The following ABTB2 variants were observed in gnomAD, a reference collection of about 807,000 sequenced individuals.
ABTB2 encodes ankyrin repeat and BTB/POZ domain-containing protein 2.
A neutral mutation model predicts 104.1 loss-of-function variants in ABTB2; 56 were observed. That is an observed-to-expected ratio of 0.54 (90% CI 0.43 to 0.67). The LOEUF is 0.67. ABTB2 is among the 30% of genes least tolerant of loss of function. ABTB2 has a pLI of 0.00. For missense variants in ABTB2, 1,279 were observed against 1,407.7 expected, an observed-to-expected ratio of 0.91 and a Z score of 1.46; for synonymous variants, 606 against 608.2, an observed-to-expected ratio of 1.00 and a Z score of 0.05.
Position 34,172,418 on chromosome 11 carries a change from A to ATATATGTG in ABTB2, c.1397+736_1397+737insCACATATA, listed in dbSNP as rs55819950. Among the ~76,000 whole-genome samples the ATATATGTG allele has an allele frequency of 3.3e-3, 277 of 84,026 alleles. 6 individuals are homozygous for ATATATGTG. The highest frequency in any genetic ancestry group is 4.5e-3 in the African/African-American group (96 of 21,166). 55.1% of individuals were successfully genotyped at this position (84,026 alleles called of 152,430 possible). A position where few individuals can be genotyped will look rare whatever the true frequency, so the allele number is the denominator to read the frequency against. ...AAAATATATATATATATATATATATATGTGTGTGTGTGTGTGTATATAGAT... is the reference window on the plus strand; with the variant it reads ...AAAATATATATATATATATATATATATATATGTGTGTGTGTGTGTGTGTGTATATAGAT... On this transcript the variant is annotated intron_variant, in intron 4 of 16. Transcript: ENST00000435224.
chr11:34,336,241 C>T (rs1440695408), intron 1 of ABTB2, among the ~76,000 whole-genome samples: 2 of 152,168 alleles, frequency 1.3e-5, no homozygotes, highest in Non-Finnish European at 1.5e-5. Context: ...AGCCCATGCA[C>T]CTTCTGAGAA....
At chr11:34,166,183 G>C (rs901249553) in intron 7 of ABTB2, among the ~76,000 whole-genome samples, 1 of 152,254 alleles carries the variant, frequency 6.6e-6, no homozygotes, top group Non-Finnish European at 1.5e-5. Context: ...CTTCCTCCAA[G>C]CATGCATGGC....
chr11:34,249,989 C>A (rs1430059396), intron 1 of ABTB2, among the ~76,000 whole-genome samples: 1 of 152,110 alleles, frequency 6.6e-6, no homozygotes, highest in African/African-American at 2.4e-5. Flanking sequence ...TAAAAGCATC[C>A]CTGGGGATCT....
chr11:34,173,846 A>G (rs998554250), intron 3 of ABTB2, among the ~76,000 whole-genome samples: 6 of 152,154 alleles, frequency 3.9e-5, no homozygotes. Flanking sequence ...AGCACACTCG[A>G]GTCTGGTTCT....
intron 1 of ABTB2, among the ~76,000 whole-genome samples, chr11:34,215,019 C>T (rs117373902): frequency 0.03 from 4,532 of 152,276 alleles, 76 homozygotes; most frequent in Non-Finnish European, 0.037. Flanking sequence ...CTGGCCCCTT[C>T]GCCTGGCCCC....
At chr11:34,174,281 C>T (rs188325928) in intron 3 of ABTB2, among the ~76,000 whole-genome samples, 108 of 148,200 alleles carry the variant, frequency 7.3e-4, no homozygotes, top group African/African-American at 2.2e-3. Flanking sequence ...GCTGAGATCG[C>T]GCCACTGCCC....
At position 34,176,275 on chromosome 11, in the gene ABTB2, G is replaced by A. The variant is rs569422489; in HGVS notation, c.1245-2968C>T. Among the ~76,000 whole-genome samples the A allele has an allele frequency of 2.0e-4, 16 of 79,926 alleles. No individual in the cohort carries two copies. In the South Asian group the frequency reaches 7.8e-3, roughly 39 times the overall value. The allele number at this position is 79,926 out of a possible 152,430, so 52.4% of individuals were successfully genotyped here. ...AGCCAGGGTGACAGAGTGAGACTCC[G>A]TCTCAAAAAAAAAAAAAAAAAAAAA... On this transcript the variant is annotated intron_variant, in intron 3 of 16. Coordinates refer to ENST00000435224, the MANE Select transcript of ABTB2 (RefSeq NM_145804.3).
rs1332070037 is a variant in ABTB2 at position 34,356,325 on chromosome 11, T to C, written c.883+376A>G. Reference sequence around the variant, plus strand: ...CAGAATCAGTCAATCTAACCAGCTGTTGGGGAAAGACAGCAGCTAGAGACC... The same window carrying C: ...CAGAATCAGTCAATCTAACCAGCTGCTGGGGAAAGACAGCAGCTAGAGACC... On this transcript the variant is annotated intron_variant, in intron 1 of 16. Coordinates refer to ENST00000435224, the MANE Select transcript of ABTB2 (RefSeq NM_145804.3). This position sits in a 1 kb window ranked among gnomAD's most constrained non-coding sequence, Gnocchi z 4.6. 1.3e-5 allele frequency among the ~76,000 whole-genome samples: 2 copies of C among 152,144 alleles called. No homozygotes were observed. Among genetic ancestry groups the C allele is most frequent in the Non-Finnish European group, 2.9e-5 (2 of 68,032 alleles).
chr11:34,313,351 G>T lies in ABTB2; in HGVS notation c.883+43350C>A, dbSNP rs563136904. 7.2e-5 allele frequency among the ~76,000 whole-genome samples: 11 copies of T among 152,288 alleles called. No homozygotes were observed. The South Asian group carries it at 2.3e-3, about 32-fold the overall frequency. ...TCCCGAGCACCTCAGCTGTCTCCTG[G>T]GTAGGATGTGGTCTGACCACATTCT... On this transcript the variant is annotated intron_variant, in intron 1 of 16. Coordinates refer to ENST00000435224, the MANE Select transcript of ABTB2 (RefSeq NM_145804.3).
At chr11:34,253,225 G>A (rs928943490) in intron 1 of ABTB2, among the ~76,000 whole-genome samples, 3 of 152,174 alleles carry the variant, frequency 2.0e-5, no homozygotes, top group Admixed American at 6.5e-5. Flanking sequence ...GGCCTCACCT[G>A]GGCCAGAAGA....
chr11:34,339,082 A>C (rs1439906224), intron 1 of ABTB2, among the ~76,000 whole-genome samples: 2 of 152,146 alleles, frequency 1.3e-5, no homozygotes, highest in African/African-American at 4.8e-5. Context: ...ACATTTTGCT[A>C]TTTTGTTTAG....
Position 34,162,697 on chromosome 11 carries a change from C to T in ABTB2, c.2097G>A (p.Gln699=), listed in dbSNP as rs1452046521. Reference sequence around the variant, plus strand: ...GCACGGGCCCCTCGCTGCCACTGCCCTGGCTCGACGCATCACTTTCCTCCA... The same window carrying T: ...GCACGGGCCCCTCGCTGCCACTGCCTTGGCTCGACGCATCACTTTCCTCCA... ...EGVEESDASS[Q]GSGSEGPVRL... Residue 699 remains glutamine, a synonymous_variant, in exon 10 of 17, where the codon CAG becomes CAA. Transcript: ENST00000435224. 1.2e-6 allele frequency: 2 copies of T among 1,612,900 alleles called. No homozygotes were observed. Among genetic ancestry groups the T allele is most frequent in the Admixed American group, 3.3e-5 (2 of 60,024 alleles).
chr11:34,305,567 A>C (rs1431865670), intron 1 of ABTB2, among the ~76,000 whole-genome samples: 2 of 152,194 alleles, frequency 1.3e-5, no homozygotes, highest in Non-Finnish European at 2.9e-5. Flanking sequence ...GCTTGACAGG[A>C]AATGTGTGGA....
At chr11:34,168,819 G>C (rs547999732) in intron 5 of ABTB2, among the ~76,000 whole-genome samples, 1 of 152,234 alleles carries the variant, frequency 6.6e-6, no homozygotes, top group Non-Finnish European at 1.5e-5. Flanking sequence ...TGGCGGGGCC[G>C]CCTCCCTGGC....
At chr11:34,241,824 T>TC (rs937543317) in intron 1 of ABTB2, among the ~76,000 whole-genome samples, 24 of 152,184 alleles carry the variant, frequency 1.6e-4, no homozygotes, top group Admixed American at 2.6e-4. Flanking sequence ...TGTAAATGTT[T>TC]CCCCCCTTCA....
intron 16 of ABTB2, among the ~76,000 whole-genome samples, chr11:34,152,922 G>A (rs1050262061): frequency 2.6e-5 from 4 of 152,202 alleles, no homozygotes; most frequent in African/African-American, 7.2e-5. Flanking sequence ...CTGTGCACAT[G>A]GTAAATGCTG....
chr11:34,255,851 C>T (rs117864563), intron 1 of ABTB2, among the ~76,000 whole-genome samples: 2,446 of 152,206 alleles, frequency 0.016, 25 homozygotes, highest in Non-Finnish European at 0.025. Flanking sequence ...CCTCCTCTAC[C>T]GGTCTTATCC....
intron 1 of ABTB2, among the ~76,000 whole-genome samples, chr11:34,337,170 G>C (rs924198011): frequency 6.6e-6 from 1 of 152,248 alleles, no homozygotes; most frequent in East Asian, 1.9e-4. Flanking sequence ...GCTTGCACCT[G>C]GGTGGAAACT....
chr11:34,152,643 T>C, intron 16 of ABTB2, 59 bp from the exon 17 acceptor site: 1 of 1,505,352 alleles, frequency 6.6e-7, no homozygotes, highest in Non-Finnish European at 9.1e-7. Flanking sequence ...CCACTCACCC[T>C]CACCCCCAAA....
Sources: gnomAD v4.1 joint callset for allele counts (sites outside exome capture counted in the v4.1 genomes callset) on GRCh38, gnomAD v4.1.1 for gene constraint, Gnocchi (gnomAD v3.1) non-coding constraint, MANE v1.5 for transcripts, NCBI Gene and HGNC (gene_info 2026-07-23, HGNC 2026-07-21) for gene names.